Variants in PKHD1L1 observed in about 807,000 individuals in gnomAD.
PKHD1L1 encodes the protein PKHD1 like 1.
Under a neutral mutation model 462.9 loss-of-function variants are expected in PKHD1L1, and 434 were observed. That is an observed-to-expected ratio of 0.94 (90% CI 0.87 to 1.02). The LOEUF is 1.02. PKHD1L1 is among the 50% of genes least tolerant of loss of function. The probability of loss-of-function intolerance (pLI) is 0.00; values close to 1 mark genes in which losing one functional copy is unlikely to be tolerated. For missense variants in PKHD1L1, 5,202 were observed against 5,096.1 expected (o/e 1.02, Z -0.63); for synonymous variants, 1,781 against 1,750.0 (o/e 1.02, Z -0.44).
At chr8:109,526,120 A>G (rs1783173) in intron 76 of PKHD1L1, among the ~76,000 whole-genome samples, 1 of 152,038 alleles carries the variant, frequency 6.6e-6, no homozygotes, top group African/African-American at 2.4e-5. Context: ...TAACCTGGAG[A>G]TTAAATAATA....
In PKHD1L1 at chr8:109,507,720, T is replaced by C; in HGVS notation, c.11052T>C (p.Phe3684=). ...TTTGTGATGCCAAGAGGAAATCTTT[T>C]CTTAGAGACATAGATGGCTCCTTTC... is the stretch of plus-strand genomic sequence containing the variant. ...DMVCDAKRKS[F]LRDIDGSFLG... is the part of the protein sequence containing the mutation. The change falls in exon 69 of 78, where the codon TTT becomes TTC. Residue 3684 remains phenylalanine, a synonymous_variant. Coordinates refer to ENST00000378402, the MANE Select transcript of PKHD1L1 (RefSeq NM_177531.6). The C allele has an allele frequency of 6.2e-7, 1 of 1,613,560 alleles. No homozygotes were observed. Among genetic ancestry groups the C allele is most frequent in the South Asian group, 1.1e-5 (1 of 91,078 alleles).
chr8:109,493,624 C>T, intron 62 of PKHD1L1, 37 bp from the exon 63 acceptor site: 1 of 1,335,630 alleles, frequency 7.5e-7, no homozygotes. Context: ...TGTTTACTAG[C>T]CTGATGCACA....
chr8:109,527,696 A>G (rs1820888931), intron 77 of PKHD1L1, among the ~76,000 whole-genome samples: 2 of 152,120 alleles, frequency 1.3e-5, no homozygotes, highest in African/African-American at 2.4e-5. Flanking sequence ...CTCAGATGAT[A>G]TCTTCTAGAA....
chr8:109,507,504 A>G (rs1247469288), intron 68 of PKHD1L1, among the ~76,000 whole-genome samples, 159 bp from the exon 69 acceptor site: 1 of 152,212 alleles, frequency 6.6e-6, no homozygotes, highest in Non-Finnish European at 1.5e-5. Flanking sequence ...AGACCTCATT[A>G]TAATGCAAAT....
intron 14 of PKHD1L1, among the ~76,000 whole-genome samples, chr8:109,403,127 A>G (rs1445372970): frequency 6.6e-6 from 1 of 152,084 alleles, no homozygotes; most frequent in African/African-American, 2.4e-5. Flanking sequence ...CTCCTAATAC[A>G]TCTGCTGCCT....
chr8:109,402,640 C>A (rs72684786), intron 14 of PKHD1L1, among the ~76,000 whole-genome samples: 9,128 of 152,152 alleles, frequency 0.06, 392 homozygotes, highest in Non-Finnish European at 0.089. Flanking sequence ...ATCCCATTGC[C>A]CAAAGCAAGT....
rs142539426 is a variant in PKHD1L1, at chr8:109,401,523, T to A, written c.1308T>A (p.Asn436Lys). 1.5e-3 allele frequency: 2,424 copies of A among 1,591,886 alleles called. 41 individuals are homozygous for A. The East Asian group carries it at 0.029, about 19-fold the overall frequency. ...TGAGGATTGCATATCATTCTGCTAA[T>A]GCCAACAGTTATTTTTCCAGTCCAA... ...DKVRIAYHSA[N>K]ANSYFSSPTQ... Residue 436 changes from asparagine (N) to lysine (K), a missense_variant, in exon 14 of 78, where the codon AAT becomes AAA. By Grantham distance (94) the Asn-to-Lys change is moderately conservative. This residue lies in a region of PKHD1L1 where 4,497 missense variants were observed against 4,336.8 expected (regional missense o/e 1.04). Coordinates refer to ENST00000378402, the MANE Select transcript of PKHD1L1 (RefSeq NM_177531.6).
chr8:109,470,917 G>C (rs1274275572), intron 50 of PKHD1L1: 51 of 1,592,532 alleles, frequency 3.2e-5, no homozygotes, highest in Non-Finnish European at 4.2e-5. Context: ...CCTGGGGAGA[G>C]AGAAATGAGG....
intron 19 of PKHD1L1, among the ~76,000 whole-genome samples, chr8:109,410,447 C>T (rs528323016): frequency 6.0e-4 from 92 of 152,138 alleles, no homozygotes; most frequent in Non-Finnish European, 9.1e-4. Context: ...GGAACAGGCA[C>T]GTCACTTGGC....
Position 109,407,517 on chromosome 8 carries a change from A to G in PKHD1L1, c.1814-532A>G, listed in dbSNP as rs141689974. Among the ~76,000 whole-genome samples, 266 of 152,280 alleles carry G rather than the reference A, an allele frequency of 1.7e-3. 1 individual carries two copies. The highest frequency in any genetic ancestry group is 6.1e-3 in the African/African-American group (255 of 41,564). Reference sequence around the variant, plus strand: ...CTGGTAGAGCATCCTTTCAAAGAAGAGAGACATTTGAGGACAGGCCTTATT... The same window carrying G: ...CTGGTAGAGCATCCTTTCAAAGAAGGGAGACATTTGAGGACAGGCCTTATT... On this transcript the variant is annotated intron_variant, in intron 17 of 77. Transcript: ENST00000378402.
chr8:109,522,385 T>C, intron 74 of PKHD1L1, 48 bp downstream of exon 74: 2 of 1,446,724 alleles, frequency 1.4e-6, no homozygotes, highest in Non-Finnish European at 1.9e-6. Flanking sequence ...ACTTAAAATA[T>C]CATTACTTAT....
At chr8:109,371,036 G>A (rs1811481016) in intron 2 of PKHD1L1, among the ~76,000 whole-genome samples, 1 of 152,184 alleles carries the variant, frequency 6.6e-6, no homozygotes, top group South Asian at 2.1e-4. Flanking sequence ...TAATGGGATG[G>A]CTGGATCAAA....
chr8:109,522,322 C>T lies in PKHD1L1; in HGVS notation c.12168C>T (p.Asp4056=), dbSNP rs777811936. The T allele has an allele frequency of 3.8e-6, 6 of 1,588,152 alleles. No homozygotes were observed. The highest frequency in any genetic ancestry group is 2.3e-5 in the South Asian group (2 of 86,244). ...CTAATCCCCTCCCCAGCCCAAGTGACTCTGGGTGGATTAAGGTAAGAAAAT... is the reference window on the plus strand; with the variant it reads ...CTAATCCCCTCCCCAGCCCAAGTGATTCTGGGTGGATTAAGGTAAGAAAAT... ...SITNPLPSPS[D]SGWIKVTAQP... The change falls in exon 74 of 78, where the codon GAC becomes GAT. Residue 4056 remains aspartate, a synonymous_variant. Coordinates refer to ENST00000378402, the MANE Select transcript of PKHD1L1 (RefSeq NM_177531.6).
rs910874124 is a variant in PKHD1L1 at position 109,438,435 on chromosome 8, C to A, written c.3739C>A (p.Pro1247Thr). The A allele has an allele frequency of 9.1e-6, 14 of 1,540,032 alleles. No individual in the cohort carries two copies. The African/African-American group carries it at 1.8e-4, about 20-fold the overall frequency. ...LQTPIITDFS[P>T]KVRTILGEVN... ...GACACCAATTATAACTGATTTTAGTCCAAAAGTACGAACAATACTAGGTAA... is the reference window on the plus strand; with the variant it reads ...GACACCAATTATAACTGATTTTAGTACAAAAGTACGAACAATACTAGGTAA... The change falls in exon 31 of 78, where the codon CCA (proline) becomes ACA (threonine). Residue 1247 changes from proline to threonine, a missense_variant. This residue lies in a region of PKHD1L1 where 4,497 missense variants were observed against 4,336.8 expected (regional missense o/e 1.04). Coordinates refer to ENST00000378402, the MANE Select transcript of PKHD1L1 (RefSeq NM_177531.6).
At chr8:109,482,958 A>G in intron 56 of PKHD1L1, 29 bp from the exon 57 acceptor site, 1 of 1,441,948 alleles carries the variant, frequency 6.9e-7, no homozygotes, top group African/African-American at 1.4e-5. Flanking sequence ...TGTGGGGTGA[A>G]TAAGTAGGAG....
rs1382342338 is a variant in PKHD1L1, at chr8:109,533,404, A to G, written c.*3314A>G. Among the ~76,000 whole-genome samples, 1 of 152,240 alleles carries G rather than the reference A, an allele frequency of 6.6e-6. No homozygotes were observed. Among genetic ancestry groups the G allele is most frequent in the Non-Finnish European group, 1.5e-5 (1 of 68,044 alleles). ...CCTATATCATGTCAATCCCTGGCCCAGTAAACCATTAGGCTTCTTATTACA... is the reference window on the plus strand; with the variant it reads ...CCTATATCATGTCAATCCCTGGCCCGGTAAACCATTAGGCTTCTTATTACA... On this transcript the variant is annotated 3_prime_UTR_variant, in exon 78 of 78. Transcript: ENST00000378402.
At position 109,459,599 on chromosome 8, in the gene PKHD1L1, A is replaced by C; in HGVS notation, c.7009A>C (p.Ser2337Arg). 6.6e-7 allele frequency: 1 copy of C among 1,517,378 alleles called. No individual in the cohort carries two copies. The highest frequency in any genetic ancestry group is 1.3e-5 in the South Asian group (1 of 74,252). 94.0% of individuals were successfully genotyped at this position (1,517,378 alleles called of 1,614,324 possible). Residue 2337 changes from serine (S) to arginine (R), a missense_variant, in exon 47 of 78, where the codon AGT becomes CGT. This residue lies in a region of PKHD1L1 where 4,497 missense variants were observed against 4,336.8 expected (regional missense o/e 1.04). Coordinates refer to ENST00000378402, the MANE Select transcript of PKHD1L1 (RefSeq NM_177531.6). Reference sequence around the variant, plus strand: ...TTTTTGTCAAAATTTTTACAGACACAGTCAAGGAGAGAATGAAAAAATGAC... The same window carrying C: ...TTTTTGTCAAAATTTTTACAGACACCGTCAAGGAGAGAATGAAAAAATGAC... ...IVIASTGHRH[S>R]QGENEKMTIA...
intron 18 of PKHD1L1, among the ~76,000 whole-genome samples, chr8:109,409,255 CT>C (rs894885569): frequency 3.2e-4 from 46 of 145,184 alleles, no homozygotes; most frequent in Middle Eastern, 3.5e-3. Flanking sequence ...TGCATGTAAC[CT>C]TTTTTTTTTT....
rs766021523 is a variant in PKHD1L1, at chr8:109,485,167, C to T, written c.9700C>T (p.His3234Tyr). 1.3e-5 allele frequency: 21 copies of T among 1,571,696 alleles called. 1 individual carries two copies. Among genetic ancestry groups the T allele is most frequent in the South Asian group, 1.2e-4 (10 of 82,824 alleles). Residue 3234 changes from histidine to tyrosine, a missense_variant, in exon 58 of 78, where the codon CAC (histidine) becomes TAC (tyrosine). By Grantham distance (83) the His-to-Tyr change is moderately conservative (BLOSUM62 2). Coordinates refer to ENST00000378402, the MANE Select transcript of PKHD1L1 (RefSeq NM_177531.6). ...LILNDSLSYTHFAEKYHVPGT... is the reference protein window; with the variant it reads ...LILNDSLSYTYFAEKYHVPGT... Reference sequence around the variant, plus strand: ...TCTTAATGATAGCCTTTCCTATACTCACTTTGGTAAGTGGATGCTTTTTAA... The same window carrying T: ...TCTTAATGATAGCCTTTCCTATACTTACTTTGGTAAGTGGATGCTTTTTAA...
Sources: gnomAD v4.1 joint callset for allele counts (sites outside exome capture counted in the v4.1 genomes callset) on GRCh38, gnomAD v4.1.1 for gene constraint, gnomAD v4.1.1 regional missense constraint, MANE v1.5 for transcripts, NCBI Gene and HGNC (gene_info 2026-07-23, HGNC 2026-07-21) for gene names.